Variants in ACO1 observed in about 807,000 individuals in gnomAD.
ACO1 encodes the protein aconitase 1.
In ACO1, 78 loss-of-function variants were observed where a neutral mutation model predicts 105.1. That is an observed-to-expected ratio of 0.74 (90% CI 0.62 to 0.90). The LOEUF is 0.90. Ranked by LOEUF, ACO1 falls within the 40% of genes least tolerant of loss-of-function variation. ACO1 has a pLI of 0.00. For missense variants in ACO1, 965 were observed against 1,111.1 expected, an observed-to-expected ratio of 0.87 and a Z score of 1.87; for synonymous variants, 364 against 397.4, an observed-to-expected ratio of 0.92 and a Z score of 1.00.
At chr9:32,403,684 G>A (rs1821546756) in intron 1 of ACO1, among the ~76,000 whole-genome samples, 1 of 152,118 alleles carries the variant, frequency 6.6e-6, no homozygotes, top group African/African-American at 2.4e-5. Context: ...GGGAGACTTG[G>A]GGCATCTGGC....
intron 1 of ACO1, among the ~76,000 whole-genome samples, chr9:32,384,936 T>C (rs1195159687): frequency 6.6e-6 from 1 of 152,216 alleles, no homozygotes; most frequent in Non-Finnish European, 1.5e-5. Context: ...CCCCAGTCTA[T>C]GTCATGCCGG....
intron 12 of ACO1, among the ~76,000 whole-genome samples, chr9:32,428,592 AC>A (rs1200314413): frequency 6.6e-6 from 1 of 151,930 alleles, no homozygotes; most frequent in Admixed American, 6.6e-5. Context: ...TAATCCCAGC[AC>A]TTTGGGAGGC....
chr9:32,385,250 T>C (rs981145262), intron 1 of ACO1, among the ~76,000 whole-genome samples: 2 of 152,204 alleles, frequency 1.3e-5, no homozygotes, highest in Admixed American at 6.5e-5. Flanking sequence ...TTCAGAGATC[T>C]AGAAAGGAGC....
intron 4 of ACO1, among the ~76,000 whole-genome samples, chr9:32,417,441 T>C (rs932511670): frequency 4.6e-5 from 7 of 152,204 alleles, no homozygotes; most frequent in Non-Finnish European, 8.8e-5. Flanking sequence ...GTGCTGAATC[T>C]GCGATCTTGT....
rs763742544 is a variant in ACO1, at chr9:32,425,908, C to G, written c.1259C>G (p.Thr420Ser). 8 of 1,613,774 alleles carry G rather than the reference C, an allele frequency of 5.0e-6. No individual in the cohort carries two copies. Among genetic ancestry groups the G allele is most frequent in the South Asian group, 1.1e-5 (1 of 91,078 alleles). The change falls in exon 11 of 21, where the codon ACT becomes AGT. Residue 420 changes from threonine to serine, a missense_variant. Coordinates refer to ENST00000309951, the MANE Select transcript of ACO1 (RefSeq NM_002197.3). ...NDHKTFIYDN[T>S]EFTLAHGSVV... Reference sequence around the variant, plus strand: ...CATAAGACCTTTATCTATGATAACACTGAATTCACCCTTGCTCATGGTTCT... The same window carrying G: ...CATAAGACCTTTATCTATGATAACAGTGAATTCACCCTTGCTCATGGTTCT...
Position 32,396,657 on chromosome 9 carries a change from C to T in ACO1, c.-22-8828C>T, listed in dbSNP as rs372673648. ...GCCCCTGTACTTTCTACTGCTTTTG[C>T]CCTGCTTTATCAATAGAATGGGTCA... On this transcript the variant is annotated intron_variant, in intron 1 of 20. Coordinates refer to ENST00000309951, the MANE Select transcript of ACO1 (RefSeq NM_002197.3). 4.6e-3 allele frequency among the ~76,000 whole-genome samples: 394 copies of T among 85,118 alleles called. 3 individuals are homozygous for T. Among genetic ancestry groups the T allele is most frequent in the African/African-American group, 0.013 (375 of 28,200 alleles). 55.8% of individuals were successfully genotyped at this position (85,118 alleles called of 152,430 possible).
intron 19 of ACO1, among the ~76,000 whole-genome samples, chr9:32,448,057 AG>A (rs1822660456): frequency 6.6e-6 from 1 of 152,144 alleles, no homozygotes; most frequent in South Asian, 2.1e-4. Flanking sequence ...TGGCTTTATC[AG>A]AGCTCAAATG....
At chr9:32,447,077 G>A (rs1029760659) in intron 19 of ACO1, among the ~76,000 whole-genome samples, 2 of 151,994 alleles carry the variant, frequency 1.3e-5, no homozygotes, top group African/African-American at 2.4e-5. Flanking sequence ...TATCTTTGTG[G>A]TGTTCCATGT....
chr9:32,417,152 C>A (rs536086477), intron 4 of ACO1, among the ~76,000 whole-genome samples: 1 of 152,202 alleles, frequency 6.6e-6, no homozygotes, highest in Non-Finnish European at 1.5e-5. Context: ...GTTTCTTAAC[C>A]TCTCTGTGTC....
intron 3 of ACO1, 29 bp downstream of exon 3, chr9:32,407,458 T>C (rs201670311): frequency 6.3e-7 from 1 of 1,596,868 alleles, no homozygotes; most frequent in East Asian, 2.2e-5. Context: ...CACTCTCCTT[T>C]GCCTCCCTCA....
Position 32,394,232 on chromosome 9 carries a change from C to T in ACO1, c.-23+9497C>T, listed in dbSNP as rs1821324935. 2.0e-5 allele frequency among the ~76,000 whole-genome samples: 3 copies of T among 152,210 alleles called. No individual in the cohort carries two copies. The South Asian group carries it at 6.2e-4, about 32-fold the overall frequency. On this transcript the variant is annotated intron_variant, in intron 1 of 20. Coordinates refer to ENST00000309951, the MANE Select transcript of ACO1 (RefSeq NM_002197.3). ...TCTGGAAGGCTTGTGCATGGTGTCA[C>T]CTGTCCCTAGAGTCCTTTCTCTCCC...
At chr9:32,444,864 T>G (rs1215493795) in intron 19 of ACO1, among the ~76,000 whole-genome samples, 1 of 152,222 alleles carries the variant, frequency 6.6e-6, no homozygotes, top group Non-Finnish European at 1.5e-5. Flanking sequence ...CTGCATCTAT[T>G]GAGATAATCA....
At chr9:32,418,972 A>T in intron 6 of ACO1, 66 bp from the exon 7 acceptor site, 1 of 1,464,590 alleles carries the variant, frequency 6.8e-7, no homozygotes, top group Non-Finnish European at 9.1e-7. Flanking sequence ...ATGTCACTAA[A>T]TTTATACCTG....
Position 32,424,674 on chromosome 9 carries a change from C to T in ACO1, c.1188+9C>T. 6.3e-7 allele frequency: 1 copy of T among 1,595,294 alleles called. No homozygotes were observed. Among genetic ancestry groups the T allele is most frequent in the Non-Finnish European group, 8.6e-7 (1 of 1,164,308 alleles). ...GCTGCCTTGGAGCCAAGGTAGGGGCCTGCGGGAAGAGGTTGAATCCTCTCA... is the reference window on the plus strand; with the variant it reads ...GCTGCCTTGGAGCCAAGGTAGGGGCTTGCGGGAAGAGGTTGAATCCTCTCA... On this transcript the variant is annotated intron_variant, in intron 10 of 20. Coordinates refer to ENST00000309951, the MANE Select transcript of ACO1 (RefSeq NM_002197.3).
At chr9:32,405,813 A>G (rs1165512745) in intron 2 of ACO1, among the ~76,000 whole-genome samples, 1 of 152,152 alleles carries the variant, frequency 6.6e-6, no homozygotes, top group African/African-American at 2.4e-5. Context: ...TTTATATAAC[A>G]CTTTATAGAG....
chr9:32,434,733 G>A (rs1348337344), intron 17 of ACO1, 32 bp downstream of exon 17: 2 of 1,608,362 alleles, frequency 1.2e-6, no homozygotes, highest in Non-Finnish European at 1.7e-6. Context: ...AGGACTAAAG[G>A]CAAAAATGGA....
At chr9:32,404,333 G>A (rs1019306817) in intron 1 of ACO1, among the ~76,000 whole-genome samples, 3 of 151,620 alleles carry the variant, frequency 2.0e-5, no homozygotes, top group Non-Finnish European at 2.9e-5. Context: ...TAATCCCTCC[G>A]CCCCTTTTTT....
At chr9:32,426,854 C>A (rs1192551294) in intron 11 of ACO1, among the ~76,000 whole-genome samples, 5 of 152,150 alleles carry the variant, frequency 3.3e-5, no homozygotes, top group African/African-American at 1.2e-4. Context: ...TCTGAACACT[C>A]GATTTTTACT....
rs1357415747 is a variant in ACO1 at position 32,451,805 on chromosome 9, A to ATAAT, written c.*1696_*1699dup. ...CAGCCAGGCGCAGTGGCTCATGCCT[A>ATAAT]TAATTCCATCACTTTGGGAGGCCGA... On this transcript the variant is annotated 3_prime_UTR_variant, in exon 21 of 21. Coordinates refer to ENST00000309951, the MANE Select transcript of ACO1 (RefSeq NM_002197.3). 2.0e-5 allele frequency: 3 copies of ATAAT among 152,192 alleles called. No individual in the cohort carries two copies. Among genetic ancestry groups the ATAAT allele is most frequent in the Non-Finnish European group, 4.4e-5 (3 of 68,048 alleles). 9.4% of individuals were successfully genotyped at this position (152,192 alleles called of 1,614,324 possible).
Sources: allele counts gnomAD v4.1 joint callset (sites outside exome capture counted in the v4.1 genomes callset), GRCh38; gene constraint gnomAD v4.1.1; transcripts MANE v1.5; gene names NCBI Gene and HGNC (gene_info 2026-07-23, HGNC 2026-07-21).